The following CELF5 variants were observed in gnomAD, a reference collection of about 807,000 sequenced individuals.
CELF5 encodes the protein CUGBP Elav-like family member 5.
Under a neutral mutation model 54.9 loss-of-function variants are expected in CELF5, and 6 were observed. The ratio of observed to expected loss-of-function variants is 0.11; its 90% CI spans 0.06 to 0.22. The LOEUF is 0.22. Ranked by LOEUF, CELF5 falls within the 10% of genes least tolerant of loss-of-function variation. The probability of loss-of-function intolerance (pLI) is 1.00; values close to 1 mark genes in which losing one functional copy is unlikely to be tolerated. For missense variants in CELF5, 401 were observed against 678.6 expected (o/e 0.59, Z 4.54); for synonymous variants, 271 against 290.9 (o/e 0.93, Z 0.70).
At chr19:3,249,278 C>T (rs2079614782) in intron 1 of CELF5, among the ~76,000 whole-genome samples, 1 of 152,146 alleles carries the variant, frequency 6.6e-6, no homozygotes, top group South Asian at 2.1e-4. Context: ...TCCCCTGTAT[C>T]CATCCCAGGA....
At chr19:3,257,597 T>G (rs1428460323) in intron 2 of CELF5, among the ~76,000 whole-genome samples, 1 of 150,824 alleles carries the variant, frequency 6.6e-6, no homozygotes, top group Non-Finnish European at 1.5e-5. Context: ...TGCCTCAGCC[T>G]CCCGAGTAGC....
chr19:3,282,069 A>G lies in CELF5; in HGVS notation c.751-57A>G, dbSNP rs2080161241. The G allele has an allele frequency of 3.7e-6, 6 of 1,602,422 alleles. No individual in the cohort carries two copies. Among genetic ancestry groups the G allele is most frequent in the East Asian group, 2.2e-5 (1 of 44,644 alleles). On this transcript the variant is annotated intron_variant, in intron 6 of 12. Transcript: ENST00000292672. The surrounding 1 kb of genome is among the most constrained non-coding windows in gnomAD (Gnocchi z 5.2). Reference sequence around the variant, plus strand: ...TAACTGGGGTACCAAGCCTCCCCTCATAAGCCATGATCTCAGGGCAGATAT... The same window carrying G: ...TAACTGGGGTACCAAGCCTCCCCTCGTAAGCCATGATCTCAGGGCAGATAT...
intron 1 of CELF5, among the ~76,000 whole-genome samples, chr19:3,239,198 C>T (rs947783425): frequency 6.6e-6 from 1 of 152,086 alleles, no homozygotes; most frequent in African/African-American, 2.4e-5. Context: ...CTCCCAGGCT[C>T]AAGGGATCCT....
intron 1 of CELF5, among the ~76,000 whole-genome samples, chr19:3,236,883 G>C (rs1917627835): frequency 6.6e-6 from 1 of 151,738 alleles, no homozygotes; most frequent in Non-Finnish European, 1.5e-5. Context: ...CAGCTACTTG[G>C]GAGGCCGAAG....
Position 3,268,520 on chromosome 19 carries a change from TG to T in CELF5, c.343-5349del, listed in dbSNP as rs2079914574. Among the ~76,000 whole-genome samples, 1 of 152,172 alleles carries T rather than the reference TG, an allele frequency of 6.6e-6. No homozygotes were observed. Among genetic ancestry groups the T allele is most frequent in the African/African-American group, 2.4e-5 (1 of 41,438 alleles). On this transcript the variant is annotated intron_variant, in intron 2 of 12. Transcript: ENST00000292672. The surrounding 1 kb of genome is among the most constrained non-coding windows in gnomAD (Gnocchi z 4.4). ...TAAGACACTGCCTGGCACCAGCTCT[TG>T]GGTGACTTCCCGTGCCAGGCACTGT...
intron 1 of CELF5, among the ~76,000 whole-genome samples, chr19:3,239,181 C>T (rs916201940): frequency 3.3e-5 from 5 of 152,084 alleles, no homozygotes; most frequent in African/African-American, 9.7e-5. Flanking sequence ...CTTGCTGCAG[C>T]CTCGACCTCC....
At chr19:3,255,383 C>T (rs2079710319) in intron 2 of CELF5, among the ~76,000 whole-genome samples, 1 of 152,158 alleles carries the variant, frequency 6.6e-6, no homozygotes, top group South Asian at 2.1e-4. Context: ...GGGGTTTCAC[C>T]ATATTGACTA....
At chr19:3,263,959 A>G (rs1157193243) in intron 2 of CELF5, among the ~76,000 whole-genome samples, 1 of 152,178 alleles carries the variant, frequency 6.6e-6, no homozygotes, top group Non-Finnish European at 1.5e-5. Context: ...ACTTACAGAA[A>G]AGTGCATGAA....
chr19:3,247,854 C>T (rs146842103), intron 1 of CELF5, among the ~76,000 whole-genome samples: 75 of 151,384 alleles, frequency 5.0e-4, no homozygotes, highest in African/African-American at 1.7e-3. Context: ...CTCTGCCGCC[C>T]GGGTTCAAAC....
intron 1 of CELF5, among the ~76,000 whole-genome samples, chr19:3,226,966 G>A (rs571454692): frequency 3.3e-5 from 5 of 152,088 alleles, no homozygotes; most frequent in Non-Finnish European, 5.9e-5. Context: ...GGGGTACCTC[G>A]GGGGTATTTC....
intron 1 of CELF5, among the ~76,000 whole-genome samples, chr19:3,232,901 C>A (rs1297627087): frequency 1.3e-5 from 2 of 152,068 alleles, no homozygotes; most frequent in Middle Eastern, 6.8e-3. Context: ...ATGGAGAAAC[C>A]CCATCTCTGC....
At chr19:3,233,287 C>G (rs1917357682) in intron 1 of CELF5, among the ~76,000 whole-genome samples, 1 of 151,968 alleles carries the variant, frequency 6.6e-6, no homozygotes, top group Non-Finnish European at 1.5e-5. Context: ...AACCCTGTCT[C>G]AAAATTCAAA....
chr19:3,246,114 A>T (rs2079563586), intron 1 of CELF5, among the ~76,000 whole-genome samples: 1 of 152,358 alleles, frequency 6.6e-6, no homozygotes, highest in Admixed American at 6.5e-5. Flanking sequence ...CTATAATCCC[A>T]GCAATTTGGG....
intron 11 of CELF5, among the ~76,000 whole-genome samples, chr19:3,290,701 C>A (rs2145315033): frequency 6.7e-6 from 1 of 150,294 alleles, no homozygotes; most frequent in African/African-American, 2.4e-5. Flanking sequence ...GTAGCTGGGA[C>A]TACAGGCGCC....
chr19:3,225,091 G>A, intron 1 of CELF5, 93 bp downstream of exon 1: 1 of 803,930 alleles, frequency 1.2e-6, no homozygotes, highest in Non-Finnish European at 1.8e-6. Flanking sequence ...TCCCTCCTCT[G>A]CTCACCTCCC....
At chr19:3,272,571 T>C (rs935212018) in intron 2 of CELF5, among the ~76,000 whole-genome samples, 2 of 152,180 alleles carry the variant, frequency 1.3e-5, no homozygotes, top group African/African-American at 4.8e-5. Flanking sequence ...CAGACGCCTT[T>C]CTGTGTTGGT....
intron 4 of CELF5, among the ~76,000 whole-genome samples, chr19:3,277,445 C>G (rs1363327651): frequency 6.6e-6 from 1 of 152,178 alleles, no homozygotes. Context: ...GCACTCTAGC[C>G]TGGGTGACGG....
In CELF5 at chr19:3,297,034, A is replaced by C. The variant is rs2080467889; in HGVS notation, c.*317A>C. 1 of 151,532 alleles carries C rather than the reference A, an allele frequency of 6.6e-6. No individual in the cohort carries two copies. The allele number at this position is 151,532 out of a possible 1,614,324, so 9.4% of individuals were successfully genotyped here. On this transcript the variant is annotated 3_prime_UTR_variant, in exon 13 of 13. Coordinates refer to ENST00000292672, the MANE Select transcript of CELF5 (RefSeq NM_021938.4). Reference sequence around the variant, plus strand: ...GTCTGGAGAAAAAAAAAAAAAAAAAAAAACAACTAAAAATTTATTTAATAA... The same window carrying C: ...GTCTGGAGAAAAAAAAAAAAAAAAACAAACAACTAAAAATTTATTTAATAA...
chr19:3,242,173 CG>C (rs1327015147), intron 1 of CELF5, among the ~76,000 whole-genome samples: 1 of 152,118 alleles, frequency 6.6e-6, no homozygotes, highest in Non-Finnish European at 1.5e-5. Context: ...GGAAAAGATG[CG>C]AAAGCCAGGC....
Sources: gnomAD v4.1 joint callset for allele counts (sites outside exome capture counted in the v4.1 genomes callset) on GRCh38, gnomAD v4.1.1 for gene constraint, Gnocchi (gnomAD v3.1) non-coding constraint, MANE v1.5 for transcripts, NCBI Gene and HGNC (gene_info 2026-07-23, HGNC 2026-07-21) for gene names.